Variants in PRDM11 observed in about 807,000 individuals in gnomAD.
The protein encoded by PRDM11 is PR domain-containing protein 11.
Under a neutral mutation model 97.8 loss-of-function variants are expected in PRDM11, and 20 were observed. That is an observed-to-expected ratio of 0.20 (90% confidence interval 0.14 to 0.30). The LOEUF is 0.30. PRDM11 is among the 10% of genes least tolerant of loss of function. PRDM11 has a pLI of 1.00. For synonymous variants in PRDM11, 599 were observed against 637.7 expected (o/e 0.94, Z 0.91); for missense variants, 1,139 against 1,555.2 (o/e 0.73, Z 4.50).
chr11:45,143,441 G>C (rs1009278132), upstream of PRDM11, among the ~76,000 whole-genome samples: 1 of 152,100 alleles, frequency 6.6e-6, no homozygotes, highest in Non-Finnish European at 1.5e-5. Context: ...GACTGGGATT[G>C]TTAGTACATT....
chr11:45,225,199 G>A (rs1854244871), intron 7 of PRDM11: 3 of 1,151,430 alleles, frequency 2.6e-6, no homozygotes, highest in Admixed American at 3.8e-5. Context: ...CTCAAGCAGG[G>A]TGTCCCACTG....
At chr11:45,158,415 C>T (rs532168269) in intron 1 of PRDM11, among the ~76,000 whole-genome samples, 5 of 152,224 alleles carry the variant, frequency 3.3e-5, no homozygotes, top group African/African-American at 9.6e-5. Context: ...AGCAGCAGGC[C>T]GGGCTGTCTG....
At chr11:45,185,372 C>T (rs1461122047) in intron 4 of PRDM11, among the ~76,000 whole-genome samples, 1 of 152,068 alleles carries the variant, frequency 6.6e-6, no homozygotes, top group Non-Finnish European at 1.5e-5. Flanking sequence ...CTGCAGAAAC[C>T]CTGCTGGAGA....
rs977984099 is a variant in PRDM11 at position 45,229,236 on chromosome 11, A to G, written c.*1077A>G. 6.6e-6 allele frequency: 1 copy of G among 152,140 alleles called. No homozygotes were observed. The highest frequency in any genetic ancestry group is 1.5e-5 in the Non-Finnish European group (1 of 68,030). 9.4% of individuals were successfully genotyped at this position (152,140 alleles called of 1,614,324 possible). ...AATCAAGAAATGCCTGCTATAGTTC[A>G]GTGGCAGGTAGTGTCAATGCAAATT... On this transcript the variant is annotated 3_prime_UTR_variant, in exon 8 of 8. Coordinates refer to ENST00000683152, the MANE Select transcript of PRDM11 (RefSeq NM_001384648.1).
chr11:45,207,091 C>A (rs1426854682), intron 5 of PRDM11, among the ~76,000 whole-genome samples: 1 of 152,196 alleles, frequency 6.6e-6, no homozygotes, highest in Admixed American at 6.5e-5. Context: ...ATCTTATGAC[C>A]ACTCAAAGAG....
rs191216273 is a variant in PRDM11, at chr11:45,201,537, G to A, written c.487-3174G>A. Among the ~76,000 whole-genome samples the A allele has an allele frequency of 8.0e-5, 12 of 150,644 alleles. No individual in the cohort carries two copies. The East Asian group carries it at 1.6e-3, about 20-fold the overall frequency. The stretch of plus-strand genomic sequence containing the variant: ...GAAACAGGATCTTGCTTTGTCACCC[G>A]GGCTTGAGTACAGTGGCACAATCAT... On this transcript the variant is annotated intron_variant, in intron 4 of 7. Transcript: ENST00000683152.
chr11:45,126,740 C>A (rs1350717685), intron 1 of PRDM11, among the ~76,000 whole-genome samples: 1 of 152,140 alleles, frequency 6.6e-6, no homozygotes, highest in Non-Finnish European at 1.5e-5. Flanking sequence ...TTGTGGGTAA[C>A]CCGACCTTTC....
rs1385701759 is a variant in PRDM11, at chr11:45,219,933, C to G, written c.742+176C>G. ...CAGCTCTGGGCCAAGCAGGGGCCAC[C>G]CCAGCATGTTATCGACCCCTAGAAA... On this transcript the variant is annotated intron_variant, in intron 6 of 7. Coordinates refer to ENST00000683152, the MANE Select transcript of PRDM11 (RefSeq NM_001384648.1). The surrounding 1 kb of genome is among the most constrained non-coding windows in gnomAD (Gnocchi z 4.2). Among the ~76,000 whole-genome samples, 1 of 152,152 alleles carries G rather than the reference C, an allele frequency of 6.6e-6. No homozygotes were observed. Among genetic ancestry groups the G allele is most frequent in the Non-Finnish European group, 1.5e-5 (1 of 68,020 alleles).
chr11:45,183,014 A>G lies in PRDM11; in HGVS notation c.377A>G (p.Glu126Gly). The G allele has an allele frequency of 6.2e-7, 1 of 1,614,112 alleles. No homozygotes were observed. Among genetic ancestry groups the G allele is most frequent in the Non-Finnish European group, 8.5e-7 (1 of 1,180,020 alleles). ...GMEVVKDTSG[E>G]SDVRCVNEVI... ...GAGGTGGTCAAGGACACTAGTGGAG[A>G]GAGTGACGTGCGATGTGTAAACGAG... The change falls in exon 4 of 8, where the codon GAG becomes GGG. Residue 126 changes from glutamate to glycine, a missense_variant. Glu to Gly is a moderately conservative substitution (Grantham distance 98, BLOSUM62 -2). Coordinates refer to ENST00000683152, the MANE Select transcript of PRDM11 (RefSeq NM_001384648.1).
chr11:45,199,321 G>A (rs2135783516), intron 4 of PRDM11, among the ~76,000 whole-genome samples: 1 of 152,242 alleles, frequency 6.6e-6, no homozygotes, highest in East Asian at 1.9e-4. Flanking sequence ...ACCTCACAGG[G>A]TTCTTGTCCT....
chr11:45,198,537 T>A (rs1268869122), intron 4 of PRDM11, among the ~76,000 whole-genome samples: 1 of 152,258 alleles, frequency 6.6e-6, no homozygotes, highest in Non-Finnish European at 1.5e-5. Context: ...AATGAATTCC[T>A]GGAAAGTTGC....
chr11:45,160,929 T>C (rs1416944195), intron 1 of PRDM11, among the ~76,000 whole-genome samples: 1 of 152,166 alleles, frequency 6.6e-6, no homozygotes, highest in Non-Finnish European at 1.5e-5. Flanking sequence ...GAGCCTTCTT[T>C]CCTTCACATA....
intron 5 of PRDM11, among the ~76,000 whole-genome samples, chr11:45,211,744 A>G (rs2135817704): frequency 6.6e-6 from 1 of 151,764 alleles, no homozygotes; most frequent in South Asian, 2.1e-4. Flanking sequence ...CCAAGTCCGC[A>G]AAGTCCGTTG....
At chr11:45,165,868 C>T (rs776231151) in intron 1 of PRDM11, among the ~76,000 whole-genome samples, 4 of 152,168 alleles carry the variant, frequency 2.6e-5, no homozygotes, top group Non-Finnish European at 4.4e-5. Flanking sequence ...CACTCCCTGC[C>T]GTGGAAGACC....
intron 1 of PRDM11, among the ~76,000 whole-genome samples, chr11:45,106,125 G>T (rs1303619691): frequency 1.3e-5 from 2 of 152,214 alleles, no homozygotes; most frequent in Non-Finnish European, 2.9e-5. Flanking sequence ...GACAGCAAGT[G>T]TCCGTGGCCC....
Position 45,224,382 on chromosome 11 carries a change from T to A in PRDM11, c.908T>A (p.Leu303Gln), listed in dbSNP as rs1565346419. 6.2e-7 allele frequency: 1 copy of A among 1,614,160 alleles called. No individual in the cohort carries two copies. The highest frequency in any genetic ancestry group is 8.5e-7 in the Non-Finnish European group (1 of 1,180,026). Reference sequence around the variant, plus strand: ...CAAGCTAAGAAGAAGAAAATTGACCTGATTTTCAAGGATGTTCTGGAGGCC... The same window carrying A: ...CAAGCTAAGAAGAAGAAAATTGACCAGATTTTCAAGGATGTTCTGGAGGCC... ...HPQAKKKKID[L>Q]IFKDVLEASL... The change falls in exon 7 of 8, where the codon CTG becomes CAG. Residue 303 changes from leucine to glutamine, a missense_variant. Coordinates refer to ENST00000683152, the MANE Select transcript of PRDM11 (RefSeq NM_001384648.1).
intron 1 of PRDM11, among the ~76,000 whole-genome samples, chr11:45,180,162 C>T (rs1011900202): frequency 1.3e-5 from 2 of 152,264 alleles, no homozygotes; most frequent in Admixed American, 1.3e-4. Context: ...CGGCAAGTCG[C>T]TTGACATCTT....
rs1019874376 is a variant in PRDM11 at position 45,228,479 on chromosome 11, C to G, written c.*320C>G. ...GTGTTCCCACCTTACTGTCCACCAA[C>G]AGCATAAGCTAAAATGACAGGTCTC... is the stretch of plus-strand genomic sequence containing the variant. On this transcript the variant is annotated 3_prime_UTR_variant, in exon 8 of 8. Coordinates refer to ENST00000683152, the MANE Select transcript of PRDM11 (RefSeq NM_001384648.1). The G allele has an allele frequency of 6.6e-6, 1 of 152,174 alleles. No homozygotes were observed. Among genetic ancestry groups the G allele is most frequent in the African/African-American group, 2.4e-5 (1 of 41,412 alleles). 9.4% of individuals were successfully genotyped at this position (152,174 alleles called of 1,614,324 possible). A position where few individuals can be genotyped will look rare whatever the true frequency, so the allele number is the denominator to read the frequency against.
intron 1 of PRDM11, among the ~76,000 whole-genome samples, chr11:45,100,582 T>G (rs1002337123): frequency 2.6e-4 from 40 of 152,330 alleles, no homozygotes; most frequent in African/African-American, 9.4e-4. Context: ...GATTGGCTGG[T>G]GAGATCACCC....
Sources: gnomAD v4.1 joint callset for allele counts (sites outside exome capture counted in the v4.1 genomes callset) on GRCh38, gnomAD v4.1.1 for gene constraint, Gnocchi (gnomAD v3.1) non-coding constraint, MANE v1.5 for transcripts, NCBI Gene and HGNC (gene_info 2026-07-23, HGNC 2026-07-21) for gene names.